Variants in C1QTNF3 observed in about 807,000 individuals in gnomAD.
C1QTNF3 encodes the protein C1q and TNF related 3.
A neutral mutation model predicts 32.6 loss-of-function variants in C1QTNF3; 26 were observed. The ratio of observed to expected loss-of-function variants is 0.80; its 90% confidence interval spans 0.58 to 1.11. C1QTNF3 has a LOEUF of 1.11. Among genes scored for constraint, C1QTNF3 ranks in the 50% least tolerant of loss-of-function variants. The probability of loss-of-function intolerance (pLI) is 0.00; values close to 1 mark genes in which losing one functional copy is unlikely to be tolerated. For synonymous variants in C1QTNF3, 155 were observed against 146.0 expected (o/e 1.06, Z -0.44); for missense variants, 362 against 398.2 (o/e 0.91, Z 0.77).
At chr5:34,045,184 G>A (rs896135590), upstream of C1QTNF3, among the ~76,000 whole-genome samples, 1 of 152,234 alleles carries the variant, frequency 6.6e-6, no homozygotes, top group African/African-American at 2.4e-5. Flanking sequence ...CATCCCCCAC[G>A]AAGTGGGCCA....
the C1QTNF3 span, among the ~76,000 whole-genome samples, chr5:34,148,272 C>G: frequency 1.0e-3 from 146 of 139,812 alleles, 1 homozygote; most frequent in Middle Eastern, 0.011. Context: ...GGCAACGAGG[C>G]TGGGGGAGGG....
chr5:34,222,195 C>T, the C1QTNF3 span, among the ~76,000 whole-genome samples: 5 of 151,904 alleles, frequency 3.3e-5, no homozygotes, highest in Non-Finnish European at 5.9e-5. Flanking sequence ...TAACCCAAGA[C>T]AATAACAATT....
the C1QTNF3 span, among the ~76,000 whole-genome samples, chr5:34,203,765 T>C: frequency 1.3e-5 from 2 of 149,128 alleles, no homozygotes; most frequent in African/African-American, 4.9e-5. Context: ...ACAAGAAACA[T>C]ATAGACACAT....
the C1QTNF3 span, among the ~76,000 whole-genome samples, chr5:34,095,765 A>G: frequency 6.6e-6 from 1 of 152,092 alleles, no homozygotes; most frequent in African/African-American, 2.4e-5. Context: ...GAATAATTCA[A>G]GTTACCTCTT....
the C1QTNF3 span, among the ~76,000 whole-genome samples, chr5:34,053,855 G>A: frequency 6.6e-6 from 1 of 152,144 alleles, no homozygotes; most frequent in African/African-American, 2.4e-5. Context: ...GACATATTGT[G>A]TATCTAGTAC....
the C1QTNF3 span, among the ~76,000 whole-genome samples, chr5:34,212,023 C>A: frequency 2.4e-4 from 37 of 151,978 alleles, no homozygotes; most frequent in Admixed American, 5.2e-4. Flanking sequence ...GCTACAGTAA[C>A]CAAAACAGCA....
At chr5:34,028,938 T>G (rs1156426542) in intron 3 of C1QTNF3, 55 bp from the exon 4 acceptor site, 15 of 1,515,268 alleles carry the variant, frequency 9.9e-6, no homozygotes, top group Non-Finnish European at 1.4e-5. Context: ...AGAAGTCAAG[T>G]TTTTATGCAG....
chr5:34,185,175 C>T, the C1QTNF3 span, among the ~76,000 whole-genome samples: 24 of 152,274 alleles, frequency 1.6e-4, no homozygotes, highest in African/African-American at 5.8e-4. Context: ...GGTGAAACCC[C>T]GTCTCTACTA....
chr5:34,179,523 A>G, the C1QTNF3 span, among the ~76,000 whole-genome samples: 2 of 143,522 alleles, frequency 1.4e-5, no homozygotes, highest in African/African-American at 5.1e-5. Flanking sequence ...AAAGAAAAGA[A>G]AAGAAAAAAA....
At chr5:34,094,606 T>C in the C1QTNF3 span, among the ~76,000 whole-genome samples, 474 of 151,858 alleles carry the variant, frequency 3.1e-3, 3 homozygotes, top group African/African-American at 0.01. Flanking sequence ...ACAGGCTACA[T>C]AGACCGTGTA....
chr5:34,029,407 T>C (rs1460436378), intron 3 of C1QTNF3, among the ~76,000 whole-genome samples: 3 of 152,168 alleles, frequency 2.0e-5, no homozygotes, highest in Non-Finnish European at 2.9e-5. Context: ...CCCAAAGTGC[T>C]GGGATTATAG....
At chr5:34,109,608 A>C in the C1QTNF3 span, among the ~76,000 whole-genome samples, 6 of 152,176 alleles carry the variant, frequency 3.9e-5, no homozygotes, top group Admixed American at 3.9e-4. Flanking sequence ...TCTTACCACT[A>C]TTTTAGAGAT....
chr5:34,148,149 G>A, the C1QTNF3 span, among the ~76,000 whole-genome samples: 12 of 147,370 alleles, frequency 8.1e-5, no homozygotes, highest in Admixed American at 1.4e-4. Context: ...TTTTCAGACC[G>A]GCTTAAGAAA....
At position 34,019,840 on chromosome 5, in the gene C1QTNF3, C is replaced by T. The variant is rs1754281172; in HGVS notation, c.*743G>A. Reference sequence around the variant, plus strand: ...TCAGATATAAAATCCCTCTGGTCAACATGCAACATTTGAATATCTATTGGC... The same window carrying T: ...TCAGATATAAAATCCCTCTGGTCAATATGCAACATTTGAATATCTATTGGC... On this transcript the variant is annotated 3_prime_UTR_variant, in exon 6 of 6. Transcript: ENST00000382065. The T allele has an allele frequency of 6.6e-6, 1 of 152,176 alleles. No homozygotes were observed. The highest frequency in any genetic ancestry group is 2.4e-5 in the African/African-American group (1 of 41,436). 9.4% of individuals were successfully genotyped at this position (152,176 alleles called of 1,614,324 possible).
the C1QTNF3 span, among the ~76,000 whole-genome samples, chr5:34,141,735 A>C: frequency 6.6e-6 from 1 of 152,154 alleles, no homozygotes; most frequent in Admixed American, 6.5e-5. Flanking sequence ...ATGGACATAT[A>C]ACAAAGAGGG....
chr5:34,150,171 T>A, the C1QTNF3 span, among the ~76,000 whole-genome samples: 1 of 47,860 alleles, frequency 2.1e-5, no homozygotes, highest in Non-Finnish European at 3.6e-5. Flanking sequence ...CCTAAATATT[T>A]ATGCACCCAA....
At chr5:34,177,889 C>G in the C1QTNF3 span, among the ~76,000 whole-genome samples, 3 of 151,998 alleles carry the variant, frequency 2.0e-5, no homozygotes, top group African/African-American at 7.2e-5. Flanking sequence ...TCCCAAAGGG[C>G]TAGCATTCCA....
the C1QTNF3 span, among the ~76,000 whole-genome samples, chr5:34,211,999 A>C: frequency 6.6e-6 from 1 of 152,178 alleles, no homozygotes; most frequent in African/African-American, 2.4e-5. Context: ...CCTGACTTCA[A>C]ACTATACTAC....
chr5:34,051,002 G>T, the C1QTNF3 span, among the ~76,000 whole-genome samples: 1 of 152,134 alleles, frequency 6.6e-6, no homozygotes, highest in African/African-American at 2.4e-5. Flanking sequence ...TTTGGCCAGG[G>T]ATTATTTTAG....
Sources: allele counts gnomAD v4.1 joint callset (sites outside exome capture counted in the v4.1 genomes callset), GRCh38; gene constraint gnomAD v4.1.1; transcripts MANE v1.5; gene names NCBI Gene and HGNC (gene_info 2026-07-23, HGNC 2026-07-21).